The following ACYP2 variants were observed in gnomAD, a reference collection of about 807,000 sequenced individuals.
ACYP2 encodes acylphosphatase-2.
Under a neutral mutation model 11.2 loss-of-function variants are expected in ACYP2, and 12 were observed. The ratio of observed to expected loss-of-function variants is 1.08; its 90% CI spans 0.69 to 1.74. The LOEUF (loss-of-function observed/expected upper bound fraction) is 1.74. Among genes scored for constraint, ACYP2 ranks in the 40% most tolerant of loss-of-function variants. The probability of loss-of-function intolerance (pLI) is 0.00; values close to 1 mark genes in which losing one functional copy is unlikely to be tolerated. For synonymous variants in ACYP2, 43 were observed against 32.2 expected (o/e 1.33, Z -1.13); for missense variants, 134 against 101.9 (o/e 1.31, Z -1.35).
intron 2 of ACYP2, among the ~76,000 whole-genome samples, chr2:53,999,808 C>G (rs989988000): frequency 2.6e-5 from 4 of 152,116 alleles, no homozygotes; most frequent in African/African-American, 9.7e-5. Context: ...ACAGTAAACA[C>G]AAAGACCCTC....
At chr2:53,983,925 CAA>C (rs1341762594) in intron 2 of ACYP2, among the ~76,000 whole-genome samples, 3 of 152,104 alleles carry the variant, frequency 2.0e-5, no homozygotes, top group Admixed American at 6.6e-5. Context: ...AGAAAAGAGA[CAA>C]GAAGGTAAAC....
chr2:54,138,673 TTGGC>T lies in ACYP2; in HGVS notation c.333_336del (p.Trp112Ter), dbSNP rs1200666146. 1 of 1,614,006 alleles carries T rather than the reference TTGGC, an allele frequency of 6.2e-7. No homozygotes were observed. The highest frequency in any genetic ancestry group is 8.5e-7 in the Non-Finnish European group (1 of 1,180,000). On this transcript the variant is annotated frameshift_variant, in exon 6 of 7. Transcript: ENST00000607452. LOFTEE classifies it high-confidence loss of function. ...GATGAAGCTAGGAAAATAGGAGTGG[TTGGC>T]TGGGTGAAGAATACCAGCAAAGGCA...
chr2:54,197,246 CA>C (rs1241579758), intron 6 of ACYP2, among the ~76,000 whole-genome samples: 1 of 152,084 alleles, frequency 6.6e-6, no homozygotes, highest in African/African-American at 2.4e-5. Context: ...AGAGCTACCT[CA>C]GGGGTCACCC....
chr2:54,236,206 G>T (rs1415222963), intron 6 of ACYP2, among the ~76,000 whole-genome samples: 1 of 152,054 alleles, frequency 6.6e-6, no homozygotes, highest in Non-Finnish European at 1.5e-5. Flanking sequence ...AAAGTGCTGG[G>T]ATTACTAAAT....
chr2:53,981,653 G>T (rs1671768636), intron 2 of ACYP2, among the ~76,000 whole-genome samples: 1 of 152,164 alleles, frequency 6.6e-6, no homozygotes, highest in Non-Finnish European at 1.5e-5. Flanking sequence ...TTGTTACTTA[G>T]TTTTGGAAAG....
chr2:54,182,700 G>T (rs768959035), intron 6 of ACYP2, among the ~76,000 whole-genome samples: 7 of 152,198 alleles, frequency 4.6e-5, no homozygotes, highest in Non-Finnish European at 7.3e-5. Flanking sequence ...GCCTGGAGGG[G>T]TAAAGCAGAG....
chr2:54,042,127 C>A (rs1484009093), intron 2 of ACYP2, among the ~76,000 whole-genome samples: 1 of 152,136 alleles, frequency 6.6e-6, no homozygotes, highest in East Asian at 1.9e-4. Context: ...CTGCCTCAGC[C>A]TCCCAAGTAG....
chr2:53,992,167 CT>C (rs59434411), intron 2 of ACYP2, among the ~76,000 whole-genome samples: 14,128 of 148,056 alleles, frequency 0.095, 899 homozygotes, highest in African/African-American at 0.18. Context: ...TTCCTTCCTA[CT>C]TTTTTTCTTC....
intron 2 of ACYP2, among the ~76,000 whole-genome samples, chr2:54,032,300 G>A (rs1315558291): frequency 6.6e-6 from 1 of 152,132 alleles, no homozygotes; most frequent in Non-Finnish European, 1.5e-5. Flanking sequence ...ATTAATTTTT[G>A]TATAAAGTGT....
intron 4 of ACYP2, among the ~76,000 whole-genome samples, chr2:54,132,096 C>T (rs896807939): frequency 1.3e-5 from 2 of 152,196 alleles, no homozygotes; most frequent in Admixed American, 1.3e-4. Context: ...CACAATACAA[C>T]CTAGACCAAA....
chr2:54,272,837 A>G (rs529798148), intron 6 of ACYP2, among the ~76,000 whole-genome samples: 1 of 152,380 alleles, frequency 6.6e-6, no homozygotes, highest in African/African-American at 2.4e-5. Context: ...TGCTTTTCCT[A>G]CAAGAGAGAC....
intron 6 of ACYP2, among the ~76,000 whole-genome samples, chr2:54,275,694 G>A (rs980224715): frequency 1.3e-5 from 2 of 152,086 alleles, no homozygotes; most frequent in Non-Finnish European, 2.9e-5. Flanking sequence ...GGAACATCAA[G>A]CATAGAGAAA....
At chr2:54,044,012 G>A (rs376575469) in intron 2 of ACYP2, among the ~76,000 whole-genome samples, 8 of 152,306 alleles carry the variant, frequency 5.3e-5, no homozygotes, top group African/African-American at 1.9e-4. Flanking sequence ...GCAAGGGAAA[G>A]GAGAGTTCGG....
At chr2:54,224,918 A>C (rs1304024936) in intron 6 of ACYP2, among the ~76,000 whole-genome samples, 1 of 152,216 alleles carries the variant, frequency 6.6e-6, no homozygotes, top group Non-Finnish European at 1.5e-5. Context: ...TGTGGGGCAA[A>C]AAAAGTAGGC....
At chr2:54,155,977 A>T (rs1389902671) in intron 6 of ACYP2, among the ~76,000 whole-genome samples, 1 of 152,178 alleles carries the variant, frequency 6.6e-6, no homozygotes, top group Non-Finnish European at 1.5e-5. Flanking sequence ...TTTGTGGCCT[A>T]ACATATATAA....
chr2:54,043,034 T>C (rs2104564547), intron 2 of ACYP2, among the ~76,000 whole-genome samples: 1 of 152,272 alleles, frequency 6.6e-6, no homozygotes, highest in African/African-American at 2.4e-5. Flanking sequence ...TGTTACTGTA[T>C]GTGGCCAGGG....
chr2:54,172,149 T>C (rs962228127), intron 6 of ACYP2, among the ~76,000 whole-genome samples: 5 of 152,106 alleles, frequency 3.3e-5, no homozygotes, highest in Non-Finnish European at 7.4e-5. Context: ...ACCCAGGAGT[T>C]TGAGGCTGCA....
intron 4 of ACYP2, among the ~76,000 whole-genome samples, chr2:54,094,575 T>A (rs1678415302): frequency 6.6e-6 from 1 of 150,992 alleles, no homozygotes; most frequent in Non-Finnish European, 1.5e-5. Context: ...TCTTGCTCTA[T>A]CGCCCAGGCT....
intron 4 of ACYP2, among the ~76,000 whole-genome samples, chr2:54,099,559 T>G (rs1045295289): frequency 6.6e-6 from 1 of 152,218 alleles, no homozygotes; most frequent in Non-Finnish European, 1.5e-5. Context: ...CTGGCTTATT[T>G]TGTGCAACAC....
Sources: gnomAD v4.1 joint callset for allele counts (sites outside exome capture counted in the v4.1 genomes callset) on GRCh38, gnomAD v4.1.1 for gene constraint, MANE v1.5 for transcripts, NCBI Gene and HGNC (gene_info 2026-07-23, HGNC 2026-07-21) for gene names.